MRPL48: variants seen among roughly 807,000 people sequenced by gnomAD.
MRPL48 encodes large ribosomal subunit protein mL48.
A neutral mutation model predicts 32.9 loss-of-function variants in MRPL48; 16 were observed. The observed-to-expected ratio is 0.49, with a 90% CI of 0.33 to 0.74. The LOEUF is 0.74. Ranked by LOEUF, MRPL48 falls within the 30% of genes least tolerant of loss-of-function variation. The pLI, the probability that MRPL48 is intolerant of heterozygous loss-of-function variation, is 0.02. For missense variants in MRPL48, 206 were observed against 245.3 expected (o/e 0.84, Z 1.07); for synonymous variants, 94 against 89.2 (o/e 1.05, Z -0.31).
At chr11:73,848,190 A>G (rs537484925) in intron 5 of MRPL48, among the ~76,000 whole-genome samples, 20 of 151,832 alleles carry the variant, frequency 1.3e-4, no homozygotes, top group African/African-American at 3.6e-4. Context: ...TTTTTTTGGC[A>G]TATGAATATT....
chr11:73,818,819 C>G (rs898257457), intron 3 of MRPL48, among the ~76,000 whole-genome samples: 1 of 152,120 alleles, frequency 6.6e-6, no homozygotes, highest in African/African-American at 2.4e-5. Context: ...GTTTAATGAA[C>G]AAGAACATTG....
intron 1 of MRPL48, among the ~76,000 whole-genome samples, chr11:73,795,926 A>G (rs1947247004): frequency 6.6e-6 from 1 of 152,328 alleles, no homozygotes; most frequent in African/African-American, 2.4e-5. Context: ...CTTACCCATA[A>G]GTAGTCACTC....
At chr11:73,808,880 G>A (rs1947511902) in intron 3 of MRPL48, among the ~76,000 whole-genome samples, 1 of 151,786 alleles carries the variant, frequency 6.6e-6, no homozygotes, top group East Asian at 2.0e-4. Flanking sequence ...CTGAGATTAC[G>A]CCATTGCACT....
intron 4 of MRPL48, among the ~76,000 whole-genome samples, chr11:73,839,400 A>G (rs187062854): frequency 5.9e-4 from 90 of 152,314 alleles, no homozygotes; most frequent in Middle Eastern, 6.8e-3. Context: ...CCCCATAGCA[A>G]GACTTACTAT....
In MRPL48 at chr11:73,805,143, C is replaced by A. The variant is rs1022752906; in HGVS notation, c.74+64C>A. On this transcript the variant is annotated intron_variant, in intron 2 of 7. Coordinates refer to ENST00000310614, the MANE Select transcript of MRPL48 (RefSeq NM_016055.6). The stretch of plus-strand genomic sequence containing the variant: ...TTTGCCTTTGGCTTCATAGTTCACA[C>A]AGCATTTTTTCATCATATTTACTTG... 25 of 1,373,640 alleles carry A rather than the reference C, an allele frequency of 1.8e-5. No homozygotes were observed. In the African/African-American group the frequency reaches 3.2e-4, roughly 18 times the overall value. The allele number at this position is 1,373,640 out of a possible 1,614,324, so 85.1% of individuals were successfully genotyped here.
chr11:73,823,365 A>G (rs1172944291), intron 3 of MRPL48, among the ~76,000 whole-genome samples: 1 of 152,160 alleles, frequency 6.6e-6, no homozygotes, highest in Non-Finnish European at 1.5e-5. Flanking sequence ...TGCTGCCCAT[A>G]TCTTGATGCC....
At chr11:73,815,297 C>T (rs1237240258) in intron 3 of MRPL48, among the ~76,000 whole-genome samples, 1 of 151,198 alleles carries the variant, frequency 6.6e-6, no homozygotes, top group Non-Finnish European at 1.5e-5. Flanking sequence ...TCCTGTAATT[C>T]CAGTTGCTCA....
chr11:73,836,263 C>T (rs774803431), intron 4 of MRPL48, among the ~76,000 whole-genome samples: 2 of 151,964 alleles, frequency 1.3e-5, no homozygotes, highest in East Asian at 1.9e-4. Context: ...GGACTACAGG[C>T]GCCTGGCTGC....
At chr11:73,807,289 G>A (rs1291664700) in intron 2 of MRPL48, among the ~76,000 whole-genome samples, 1 of 152,048 alleles carries the variant, frequency 6.6e-6, no homozygotes, top group Non-Finnish European at 1.5e-5. Context: ...ATAATGTATT[G>A]TACATCTTCC....
At chr11:73,850,549 C>A in intron 5 of MRPL48, 2 of 385,540 alleles carry the variant, frequency 5.2e-6, no homozygotes, top group South Asian at 3.9e-5. Flanking sequence ...CTTCAACATT[C>A]AGTTCTGACT....
chr11:73,836,302 C>A (rs191754093), intron 4 of MRPL48, among the ~76,000 whole-genome samples: 57 of 152,124 alleles, frequency 3.7e-4, no homozygotes, highest in African/African-American at 1.3e-3. Context: ...TCAAGCGATT[C>A]TCCCTGCCTC....
rs761969358 is a variant in MRPL48, at chr11:73,787,998, G to A, written c.21+6G>A. 1.7e-5 allele frequency: 27 copies of A among 1,613,292 alleles called. No individual in the cohort carries two copies. In the East Asian group the frequency reaches 3.3e-4, roughly 20 times the overall value. ...TGAGCGGAACCTTGGAAAAGGTAACGTAGATTCCACGCACGCGGGGCGCGG... is the reference window on the plus strand; with the variant it reads ...TGAGCGGAACCTTGGAAAAGGTAACATAGATTCCACGCACGCGGGGCGCGG... On this transcript the variant is annotated splice_donor_region_variant and intron_variant, in intron 1 of 7. Coordinates refer to ENST00000310614, the MANE Select transcript of MRPL48 (RefSeq NM_016055.6).
chr11:73,793,318 G>A (rs1044454613), intron 1 of MRPL48, among the ~76,000 whole-genome samples: 21 of 152,170 alleles, frequency 1.4e-4, no homozygotes, highest in African/African-American at 4.8e-4. Context: ...GCCCACCTTG[G>A]CCTCCCAAAG....
At chr11:73,864,220 T>G in intron 7 of MRPL48, 76 bp from the exon 8 acceptor site, 1 of 1,377,790 alleles carries the variant, frequency 7.3e-7, no homozygotes, top group Non-Finnish European at 1.0e-6. Flanking sequence ...CAAGGGCCCT[T>G]TTTGGATGCT....
At chr11:73,807,029 C>T (rs1947466329) in intron 2 of MRPL48, among the ~76,000 whole-genome samples, 1 of 152,074 alleles carries the variant, frequency 6.6e-6, no homozygotes, top group Non-Finnish European at 1.5e-5. Flanking sequence ...ACCACCATGT[C>T]TGGCTAATTT....
At chr11:73,828,748 C>T (rs2135018703) in intron 4 of MRPL48, among the ~76,000 whole-genome samples, 1 of 150,780 alleles carries the variant, frequency 6.6e-6, no homozygotes, top group South Asian at 2.1e-4. Flanking sequence ...TTTGAGACAT[C>T]CCCCTTCTTT....
chr11:73,845,028 G>T, intron 5 of MRPL48, 52 bp downstream of exon 5: 3 of 1,530,368 alleles, frequency 2.0e-6, no homozygotes, highest in South Asian at 1.3e-5. Context: ...AGAATGCTCT[G>T]TTTTTTTGTT....
At position 73,808,386 on chromosome 11, in the gene MRPL48, T is replaced by A. The variant is rs1469412914; in HGVS notation, c.112+36T>A. On this transcript the variant is annotated intron_variant, in intron 3 of 7. Coordinates refer to ENST00000310614, the MANE Select transcript of MRPL48 (RefSeq NM_016055.6). ...TTTACCTGATGTAGTTGGCCTGCTT[T>A]AAGTGACCCTTTAGCACTCTATAAT... is the stretch of plus-strand genomic sequence containing the variant. 1.3e-6 allele frequency: 2 copies of A among 1,572,404 alleles called. 1 individual carries two copies. The highest frequency in any genetic ancestry group is 2.3e-5 in the South Asian group (2 of 87,522).
chr11:73,811,712 T>TA (rs945188198), intron 3 of MRPL48, among the ~76,000 whole-genome samples: 2 of 152,114 alleles, frequency 1.3e-5, no homozygotes, highest in Non-Finnish European at 2.9e-5. Context: ...GAAAGTCTTT[T>TA]AAAAAAATTA....
Sources: allele counts gnomAD v4.1 joint callset (sites outside exome capture counted in the v4.1 genomes callset), GRCh38; gene constraint gnomAD v4.1.1; transcripts MANE v1.5; gene names NCBI Gene and HGNC (gene_info 2026-07-23, HGNC 2026-07-21).